Variants in SPON1 observed in about 807,000 individuals in gnomAD.
The protein encoded by SPON1 is spondin-1.
A neutral mutation model predicts 111.7 loss-of-function variants in SPON1; 52 were observed. That is an observed-to-expected ratio of 0.47 (90% CI 0.37 to 0.59). The LOEUF (loss-of-function observed/expected upper bound fraction) is 0.59, where lower values mean the gene tolerates loss of function less well. SPON1 is among the 20% of genes least tolerant of loss of function. The pLI is 0.00. For synonymous variants in SPON1, 410 were observed against 395.8 expected (o/e 1.04, Z -0.43); for missense variants, 957 against 1,068.5 (o/e 0.90, Z 1.46).
chr11:13,968,365 T>G (rs1165111381), intron 1 of SPON1, among the ~76,000 whole-genome samples: 4 of 152,222 alleles, frequency 2.6e-5, no homozygotes, highest in African/African-American at 9.6e-5. Flanking sequence ...TGCACTCTGC[T>G]GTGTAGTTGG....
At chr11:13,965,688 G>A (rs974147855) in intron 1 of SPON1, among the ~76,000 whole-genome samples, 3 of 152,206 alleles carry the variant, frequency 2.0e-5, no homozygotes, top group African/African-American at 7.2e-5. Flanking sequence ...GGTTTTCCAA[G>A]TAAATATCCT....
chr11:14,007,723 C>A (rs551728866), intron 2 of SPON1, among the ~76,000 whole-genome samples: 2 of 152,324 alleles, frequency 1.3e-5, no homozygotes, highest in African/African-American at 4.8e-5. Context: ...TCACCCCGAT[C>A]TCCTGCTGTG....
chr11:14,189,704 A>G (rs903317429), intron 6 of SPON1, among the ~76,000 whole-genome samples: 3 of 152,228 alleles, frequency 2.0e-5, no homozygotes, highest in Non-Finnish European at 4.4e-5. Context: ...TTGTTCATCT[A>G]CATAAACTTA....
At chr11:14,177,690 C>T (rs572187045) in intron 6 of SPON1, among the ~76,000 whole-genome samples, 17 of 152,282 alleles carry the variant, frequency 1.1e-4, no homozygotes, top group Admixed American at 6.5e-5. Context: ...AGGTGACCAA[C>T]CATGCTAGTC....
intron 1 of SPON1, among the ~76,000 whole-genome samples, chr11:13,964,770 C>T (rs1848003454): frequency 6.6e-6 from 1 of 152,158 alleles, no homozygotes; most frequent in African/African-American, 2.4e-5. Flanking sequence ...AGCCGGGAGG[C>T]GGCCGATCCT....
At chr11:14,194,480 G>A (rs901020248) in intron 6 of SPON1, among the ~76,000 whole-genome samples, 5 of 151,754 alleles carry the variant, frequency 3.3e-5, no homozygotes, top group African/African-American at 7.3e-5. Context: ...TCAAGTGGGA[G>A]AATGCTAAGA....
intron 3 of SPON1, among the ~76,000 whole-genome samples, chr11:14,057,831 C>CAAAAAAAAAAAA (rs782306609): frequency 6.0e-5 from 6 of 100,578 alleles, no homozygotes; most frequent in Non-Finnish European, 1.2e-4. Context: ...CTTGTCTCTA[C>CAAAAAAAAAAAA]AAAAAAAAAA....
intron 6 of SPON1, among the ~76,000 whole-genome samples, chr11:14,209,915 A>G (rs1393657664): frequency 1.3e-5 from 2 of 152,178 alleles, no homozygotes; most frequent in African/African-American, 2.4e-5. Context: ...CATCCTCTCC[A>G]GCATCTGTTG....
chr11:14,014,153 C>G (rs1353168556), intron 2 of SPON1, among the ~76,000 whole-genome samples: 1 of 152,142 alleles, frequency 6.6e-6, no homozygotes, highest in Admixed American at 6.6e-5. Flanking sequence ...CTTCTGGCTC[C>G]TAGATCTTCA....
intron 5 of SPON1, among the ~76,000 whole-genome samples, chr11:14,100,090 A>G (rs900001808): frequency 9.2e-5 from 14 of 151,972 alleles, no homozygotes; most frequent in African/African-American, 3.4e-4. Context: ...CATCCAAACC[A>G]TATCAGTAAA....
Position 13,982,944 on chromosome 11 carries a change from G to A in SPON1, c.336G>A (p.Gly112=). 1 of 1,550,872 alleles carries A rather than the reference G, an allele frequency of 6.4e-7. No homozygotes were observed. Residue 112 remains glycine (G), a synonymous_variant, in exon 2 of 16, where the codon GGG becomes GGA. Transcript: ENST00000576479. ...REGDKEEDHA[G]TFQIIDEEET... ...GTGATAAGGAAGAAGACCATGCTGG[G>A]ACCTTCCAGGTAAGACCCTGCCTGG...
chr11:13,998,866 T>C (rs564851663), intron 2 of SPON1, among the ~76,000 whole-genome samples: 1 of 152,332 alleles, frequency 6.6e-6, no homozygotes, highest in East Asian at 1.9e-4. Flanking sequence ...TTCAAATACA[T>C]GATAGACTTC....
At chr11:14,123,673 A>G (rs1847422762) in intron 5 of SPON1, among the ~76,000 whole-genome samples, 1 of 152,200 alleles carries the variant, frequency 6.6e-6, no homozygotes, top group Non-Finnish European at 1.5e-5. Flanking sequence ...CTGAAGTTCC[A>G]TCTCCATGCA....
intron 6 of SPON1, among the ~76,000 whole-genome samples, chr11:14,164,371 C>T (rs1554931688): frequency 6.6e-6 from 1 of 152,148 alleles, no homozygotes; most frequent in Admixed American, 6.5e-5. Flanking sequence ...CATTTCCCAG[C>T]TTCTCTTGAG....
intron 6 of SPON1, among the ~76,000 whole-genome samples, chr11:14,230,011 A>G (rs1298699502): frequency 1.3e-5 from 2 of 150,228 alleles, no homozygotes; most frequent in African/African-American, 4.9e-5. Context: ...TAGAACGGAC[A>G]CCCTTTAGTG....
At chr11:14,223,680 C>G (rs1848706169) in intron 6 of SPON1, among the ~76,000 whole-genome samples, 1 of 152,166 alleles carries the variant, frequency 6.6e-6, no homozygotes. Flanking sequence ...CCTGTCTCCA[C>G]CCTTCTACCT....
In SPON1 at chr11:14,075,334, T is replaced by C; in HGVS notation, c.480-11T>C. On this transcript the variant is annotated splice_polypyrimidine_tract_variant and intron_variant, in intron 3 of 15. Transcript: ENST00000576479. ...TCCTCACCACTGTGCTTGGGTCTTC[T>C]TTCTTCACAGGGCCAGCATCGTACA... is the stretch of plus-strand genomic sequence containing the variant. The C allele has an allele frequency of 6.4e-7, 1 of 1,554,886 alleles. No individual in the cohort carries two copies. Among genetic ancestry groups the C allele is most frequent in the Non-Finnish European group, 8.7e-7 (1 of 1,148,140 alleles).
intron 6 of SPON1, among the ~76,000 whole-genome samples, chr11:14,216,188 T>C (rs1168384085): frequency 1.3e-5 from 2 of 152,200 alleles, no homozygotes; most frequent in African/African-American, 4.8e-5. Flanking sequence ...CTGAACCCCA[T>C]GCTACAAAAG....
chr11:14,022,905 A>G (rs537126418), intron 2 of SPON1, among the ~76,000 whole-genome samples: 1 of 152,240 alleles, frequency 6.6e-6, no homozygotes, highest in Non-Finnish European at 1.5e-5. Context: ...AAGCAGGTTC[A>G]TGTAGGTTCA....
Sources: gnomAD v4.1 joint callset for allele counts (sites outside exome capture counted in the v4.1 genomes callset) on GRCh38, gnomAD v4.1.1 for gene constraint, MANE v1.5 for transcripts, NCBI Gene and HGNC (gene_info 2026-07-23, HGNC 2026-07-21) for gene names.